Variants in MECOM observed in about 807,000 individuals in gnomAD.
MECOM encodes the protein histone-lysine N-methyltransferase MECOM.
Under a neutral mutation model 116.3 loss-of-function variants are expected in MECOM, and 13 were observed. That is an observed-to-expected ratio of 0.11 (90% CI 0.07 to 0.18). The LOEUF is 0.18. Ranked by LOEUF, MECOM falls within the 10% of genes least tolerant of loss-of-function variation. The pLI is 1.00. For missense variants in MECOM, 1,299 were observed against 1,509.0 expected, an observed-to-expected ratio of 0.86 and a Z score of 2.31; for synonymous variants, 528 against 535.2, an observed-to-expected ratio of 0.99 and a Z score of 0.19.
rs905577408 is a variant in MECOM at position 169,241,770 on chromosome 3, A to G, written c.376-97938T>C. On this transcript the variant is annotated intron_variant, in intron 2 of 16. Transcript: ENST00000651503. Reference sequence around the variant, plus strand: ...ACAGGAAATGTTTGACCAATGTTGCATCACAAGATATCAAAAGAATTTCAC... The same window carrying G: ...ACAGGAAATGTTTGACCAATGTTGCGTCACAAGATATCAAAAGAATTTCAC... Among the ~76,000 whole-genome samples, 3 of 152,198 alleles carry G rather than the reference A, an allele frequency of 2.0e-5. 1 individual carries two copies. Among genetic ancestry groups the G allele is most frequent in the South Asian group, 4.1e-4 (2 of 4,836 alleles).
At chr3:169,640,015 A>G (rs934712077) in intron 1 of MECOM, among the ~76,000 whole-genome samples, 2 of 152,206 alleles carry the variant, frequency 1.3e-5, no homozygotes, top group Non-Finnish European at 2.9e-5. Flanking sequence ...AACAGGAAAA[A>G]GACACAACAC....
chr3:169,589,055 T>C (rs1766094131), intron 1 of MECOM, among the ~76,000 whole-genome samples: 1 of 152,176 alleles, frequency 6.6e-6, no homozygotes, highest in Non-Finnish European at 1.5e-5. Context: ...CCATACCTTG[T>C]GCTCTCAACT....
chr3:169,543,295 C>G (rs977825140), intron 1 of MECOM, among the ~76,000 whole-genome samples: 19 of 152,202 alleles, frequency 1.2e-4, no homozygotes, highest in Non-Finnish European at 7.3e-5. Context: ...GTATTTGAGA[C>G]TGGGCACAGT....
rs35343157 is a variant in MECOM, at chr3:169,550,820, C to CTTT, written c.37+112513_37+112515dup. Among the ~76,000 whole-genome samples the CTTT allele has an allele frequency of 2.3e-3, 209 of 91,660 alleles. 4 individuals are homozygous for CTTT. Among genetic ancestry groups the CTTT allele is most frequent in the Middle Eastern group, 5.8e-3 (1 of 172 alleles). The allele number at this position is 91,660 out of a possible 152,430, so 60.1% of individuals were successfully genotyped here. A position where few individuals can be genotyped will look rare whatever the true frequency, so the allele number is the denominator to read the frequency against. ...ATAAATGAGAGACAGGTTCCCTTTC[C>CTTT]TTTTTTTTTTTTTTTTTTTTTGAGA... On this transcript the variant is annotated intron_variant, in intron 1 of 16. Transcript: ENST00000651503.
At chr3:169,300,060 G>C (rs1361635201) in intron 2 of MECOM, among the ~76,000 whole-genome samples, 2 of 152,166 alleles carry the variant, frequency 1.3e-5, no homozygotes, top group Admixed American at 6.5e-5. Flanking sequence ...CTGTGCTTCA[G>C]AGGTGAGCCT....
chr3:169,426,373 T>C (rs1442866483), intron 1 of MECOM, among the ~76,000 whole-genome samples: 1 of 152,190 alleles, frequency 6.6e-6, no homozygotes, highest in Non-Finnish European at 1.5e-5. Flanking sequence ...AGGCACAATC[T>C]AAGCTAAAAG....
intron 1 of MECOM, among the ~76,000 whole-genome samples, chr3:169,632,064 A>T (rs1355844563): frequency 6.6e-6 from 1 of 152,166 alleles, no homozygotes; most frequent in African/African-American, 2.4e-5. Context: ...TGTCTACACC[A>T]GCACTTGGTT....
Position 169,438,953 on chromosome 3 carries a change from T to C in MECOM, c.38-57429A>G, listed in dbSNP as rs1435993802. Reference sequence around the variant, plus strand: ...ATTAAAAACAATCTCAAGCAAGACCTACAAATTACTACCCACAAAAGCAAA... The same window carrying C: ...ATTAAAAACAATCTCAAGCAAGACCCACAAATTACTACCCACAAAAGCAAA... On this transcript the variant is annotated intron_variant, in intron 1 of 16. Transcript: ENST00000651503. 3.3e-5 allele frequency among the ~76,000 whole-genome samples: 5 copies of C among 151,946 alleles called. No homozygotes were observed. The East Asian group carries it at 9.6e-4, about 29-fold the overall frequency.
intron 1 of MECOM, among the ~76,000 whole-genome samples, chr3:169,502,423 T>A (rs1918963): frequency 0.16 from 24,571 of 152,120 alleles, 2,131 homozygotes; most frequent in East Asian, 0.33. Context: ...CTGATTTTCC[T>A]GCTTTCCTTT....
At chr3:169,110,392 C>T (rs1208090738) in intron 9 of MECOM, among the ~76,000 whole-genome samples, 10 of 152,074 alleles carry the variant, frequency 6.6e-5, no homozygotes, top group East Asian at 3.9e-4. Flanking sequence ...AAATATGTTG[C>T]GTACATAAAT....
intron 8 of MECOM, among the ~76,000 whole-genome samples, chr3:169,113,180 T>C (rs964175474): frequency 1.3e-5 from 2 of 152,086 alleles, no homozygotes; most frequent in African/African-American, 4.8e-5. Context: ...TCAGTACCTT[T>C]CCATTCCAAA....
chr3:169,659,811 G>C (rs1235045349), intron 1 of MECOM, among the ~76,000 whole-genome samples: 1 of 152,100 alleles, frequency 6.6e-6, no homozygotes, highest in Non-Finnish European at 1.5e-5. Flanking sequence ...TTACTGGGCT[G>C]ACAAGGTGAG....
chr3:169,403,207 C>A (rs932312483), intron 1 of MECOM, among the ~76,000 whole-genome samples: 1 of 152,208 alleles, frequency 6.6e-6, no homozygotes, highest in Non-Finnish European at 1.5e-5. Flanking sequence ...ACAGGTCCCT[C>A]AGCCTATGTG....
chr3:169,374,720 T>C (rs1269594338), intron 2 of MECOM, among the ~76,000 whole-genome samples: 3 of 151,844 alleles, frequency 2.0e-5, no homozygotes, highest in Non-Finnish European at 4.4e-5. Context: ...AAAATTTAGG[T>C]AGTAATATAT....
chr3:169,483,643 C>T (rs985793392), intron 1 of MECOM: 181 of 1,440,822 alleles, frequency 1.3e-4, no homozygotes, highest in Non-Finnish European at 1.7e-4. Flanking sequence ...TTCAAGAACT[C>T]ATACAAAATT....
At chr3:169,316,282 C>T (rs1719728037) in intron 2 of MECOM, among the ~76,000 whole-genome samples, 1 of 152,176 alleles carries the variant, frequency 6.6e-6, no homozygotes, top group Non-Finnish European at 1.5e-5. Flanking sequence ...AATTAAAACA[C>T]CCTCTCACAT....
chr3:169,419,000 T>G (rs970578174), intron 1 of MECOM, among the ~76,000 whole-genome samples: 3 of 152,146 alleles, frequency 2.0e-5, no homozygotes, highest in Admixed American at 2.0e-4. Flanking sequence ...GAAAACACAT[T>G]GTCTCTGTCC....
intron 1 of MECOM, among the ~76,000 whole-genome samples, chr3:169,412,073 A>G (rs1737648726): frequency 2.6e-5 from 4 of 151,796 alleles, no homozygotes; most frequent in Non-Finnish European, 5.9e-5. Flanking sequence ...ATCACCTGAG[A>G]TCAGGGGTTC....
chr3:169,278,207 T>C (rs940578971), intron 2 of MECOM, among the ~76,000 whole-genome samples: 3 of 152,200 alleles, frequency 2.0e-5, no homozygotes, highest in African/African-American at 7.2e-5. Context: ...TCTCACTCTC[T>C]CTTAAAAGGA....
Sources: gnomAD v4.1 joint callset for allele counts (sites outside exome capture counted in the v4.1 genomes callset) on GRCh38, gnomAD v4.1.1 for gene constraint, MANE v1.5 for transcripts, NCBI Gene and HGNC (gene_info 2026-07-23, HGNC 2026-07-21) for gene names.